Variants in SKAP1 observed in about 807,000 individuals in gnomAD.
The protein encoded by SKAP1 is src kinase-associated phosphoprotein 1.
In SKAP1, 44 loss-of-function variants were observed where a neutral mutation model predicts 58.5. The ratio of observed to expected loss-of-function variants is 0.75; its 90% CI spans 0.59 to 0.97. The LOEUF (loss-of-function observed/expected upper bound fraction) is 0.97. SKAP1 is among the 50% of genes least tolerant of loss of function. The pLI is 0.00. For synonymous variants in SKAP1, 127 were observed against 149.7 expected, an observed-to-expected ratio of 0.85 and a Z score of 1.11; for missense variants, 390 against 435.2, an observed-to-expected ratio of 0.90 and a Z score of 0.92.
At chr17:48,274,074 C>T (rs2065667548) in intron 4 of SKAP1, among the ~76,000 whole-genome samples, 1 of 152,110 alleles carries the variant, frequency 6.6e-6, no homozygotes, top group Admixed American at 6.5e-5. Flanking sequence ...TAGGCGTACA[C>T]CACCATGCCT....
At chr17:48,402,698 G>T (rs1484379032) in intron 1 of SKAP1, among the ~76,000 whole-genome samples, 1 of 152,184 alleles carries the variant, frequency 6.6e-6, no homozygotes, top group African/African-American at 2.4e-5. Flanking sequence ...TGAATGGATA[G>T]ATAAAATGTA....
chr17:48,320,307 T>C (rs2066345154), intron 4 of SKAP1, among the ~76,000 whole-genome samples: 1 of 152,330 alleles, frequency 6.6e-6, no homozygotes, highest in African/African-American at 2.4e-5. Flanking sequence ...CTGAGAGGTA[T>C]AATAAATCAG....
intron 4 of SKAP1, among the ~76,000 whole-genome samples, chr17:48,283,208 G>A (rs999388681): frequency 6.6e-6 from 1 of 152,190 alleles, no homozygotes; most frequent in Non-Finnish European, 1.5e-5. Flanking sequence ...TAACTGATGA[G>A]AGAATGCAGA....
At chr17:48,419,048 C>A (rs1320611693) in intron 1 of SKAP1, among the ~76,000 whole-genome samples, 2 of 149,302 alleles carry the variant, frequency 1.3e-5, no homozygotes, top group East Asian at 3.9e-4. Flanking sequence ...GTAAGTCATA[C>A]CTAAAGTGCT....
chr17:48,261,383 T>C (rs1382767055), intron 4 of SKAP1, among the ~76,000 whole-genome samples: 6 of 152,246 alleles, frequency 3.9e-5, no homozygotes, highest in Middle Eastern at 6.8e-3. Context: ...CCTCTCCTTA[T>C]ATACGCAGGA....
chr17:48,152,928 C>T (rs2063920131), intron 11 of SKAP1, among the ~76,000 whole-genome samples: 1 of 152,128 alleles, frequency 6.6e-6, no homozygotes, highest in Non-Finnish European at 1.5e-5. Context: ...CTAACCCGGC[C>T]GTGGCTTATA....
chr17:48,268,573 C>A (rs1404773324), intron 4 of SKAP1, among the ~76,000 whole-genome samples: 1 of 151,980 alleles, frequency 6.6e-6, no homozygotes, highest in Non-Finnish European at 1.5e-5. Context: ...TTCACTGCAA[C>A]CTCCGCCTCC....
intron 4 of SKAP1, among the ~76,000 whole-genome samples, chr17:48,326,019 C>G (rs1400985859): frequency 6.6e-6 from 1 of 152,202 alleles, no homozygotes; most frequent in Non-Finnish European, 1.5e-5. Context: ...ACACACACAT[C>G]ATCATCATTA....
chr17:48,141,200 C>A (rs1439969891), intron 11 of SKAP1, among the ~76,000 whole-genome samples: 1 of 152,106 alleles, frequency 6.6e-6, no homozygotes, highest in Non-Finnish European at 1.5e-5. Context: ...GGTCATGTAG[C>A]TATCGTCTCA....
chr17:48,350,795 TTA>T (rs1331764337), intron 3 of SKAP1, among the ~76,000 whole-genome samples: 1 of 152,178 alleles, frequency 6.6e-6, no homozygotes, highest in Non-Finnish European at 1.5e-5. Context: ...ATAAGGAAAT[TTA>T]GATTAATTTA....
intron 4 of SKAP1, among the ~76,000 whole-genome samples, chr17:48,251,051 A>G (rs1002164715): frequency 1.3e-4 from 20 of 152,226 alleles, no homozygotes; most frequent in Admixed American, 3.9e-4. Context: ...AATTCGGTTA[A>G]ACATCCGCTA....
At chr17:48,333,765 C>T (rs2066533739) in intron 4 of SKAP1, among the ~76,000 whole-genome samples, 1 of 151,996 alleles carries the variant, frequency 6.6e-6, no homozygotes, top group Admixed American at 6.6e-5. Flanking sequence ...TAATGTATCT[C>T]ATCCCAAACA....
At chr17:48,370,517 T>G (rs2144426801) in intron 2 of SKAP1, among the ~76,000 whole-genome samples, 1 of 152,246 alleles carries the variant, frequency 6.6e-6, no homozygotes, top group East Asian at 1.9e-4. Flanking sequence ...TGCCCTAGGC[T>G]GGTCTCAAAC....
intron 11 of SKAP1, among the ~76,000 whole-genome samples, chr17:48,150,799 G>A (rs1310142954): frequency 6.6e-6 from 1 of 152,184 alleles, no homozygotes; most frequent in African/African-American, 2.4e-5. Flanking sequence ...GGTGGAAAAA[G>A]GTGCAAGGAA....
intron 4 of SKAP1, among the ~76,000 whole-genome samples, chr17:48,216,106 T>C (rs1027629855): frequency 6.6e-6 from 1 of 152,182 alleles, no homozygotes; most frequent in Non-Finnish European, 1.5e-5. Flanking sequence ...GCTGGGTTCA[T>C]ACCACTGACA....
rs191967135 is a variant in SKAP1, at chr17:48,322,969, A to C, written c.280+22936T>G. ...AAATTAGCCAGGCGTGGTGGCATGC[A>C]CCTGTAATCCCAGCTACCCAGGAGG... is the stretch of plus-strand genomic sequence containing the variant. On this transcript the variant is annotated intron_variant, in intron 4 of 12. Coordinates refer to ENST00000336915, the MANE Select transcript of SKAP1 (RefSeq NM_003726.4). 5.7e-4 allele frequency among the ~76,000 whole-genome samples: 87 copies of C among 151,974 alleles called. 1 individual carries two copies. Among genetic ancestry groups the C allele is most frequent in the Non-Finnish European group, 1.1e-3 (77 of 67,894 alleles).
chr17:48,224,623 T>C (rs1333697371), intron 4 of SKAP1, among the ~76,000 whole-genome samples: 1 of 152,242 alleles, frequency 6.6e-6, no homozygotes, highest in Non-Finnish European at 1.5e-5. Context: ...TGTGGTATCA[T>C]ACCTATGCCT....
At chr17:48,257,339 A>C (rs1394057534) in intron 4 of SKAP1, among the ~76,000 whole-genome samples, 1 of 152,130 alleles carries the variant, frequency 6.6e-6, no homozygotes, top group Non-Finnish European at 1.5e-5. Flanking sequence ...CTGGATTCCC[A>C]AGTATGTATC....
chr17:48,394,197 T>G (rs546400947), intron 2 of SKAP1, among the ~76,000 whole-genome samples: 16 of 152,174 alleles, frequency 1.1e-4, no homozygotes, highest in Admixed American at 6.5e-4. Flanking sequence ...CACTCCAGCC[T>G]GGGCCACAGA....
Sources: allele counts gnomAD v4.1 joint callset (sites outside exome capture counted in the v4.1 genomes callset), GRCh38; gene constraint gnomAD v4.1.1; transcripts MANE v1.5; gene names NCBI Gene and HGNC (gene_info 2026-07-23, HGNC 2026-07-21).